The following PDE1A variants were observed in gnomAD, a reference collection of about 807,000 sequenced individuals.
PDE1A encodes the protein phosphodiesterase 1A, also known as dual specificity calcium/calmodulin-dependent 3',5'-cyclic nucleotide phosphodiesterase 1A.
Under a neutral mutation model 61.7 loss-of-function variants are expected in PDE1A, and 35 were observed. That is an observed-to-expected ratio of 0.57 (90% CI 0.43 to 0.75). PDE1A has a LOEUF of 0.75. Ranked by LOEUF, PDE1A falls within the 30% of genes least tolerant of loss-of-function variation. The pLI, the probability that PDE1A is intolerant of heterozygous loss-of-function variation, is 0.00. For synonymous variants in PDE1A, 232 were observed against 213.2 expected, an observed-to-expected ratio of 1.09 and a Z score of -0.77; for missense variants, 597 against 630.6, an observed-to-expected ratio of 0.95 and a Z score of 0.57.
intron 1 of PDE1A, among the ~76,000 whole-genome samples, chr2:182,274,517 T>C (rs1006440074): frequency 1.3e-5 from 2 of 152,086 alleles, no homozygotes; most frequent in African/African-American, 4.8e-5. Context: ...AAAAATTGAG[T>C]CATTTCAAGA....
At chr2:182,569,360 T>C in the PDE1A span, among the ~76,000 whole-genome samples, 1 of 152,024 alleles carries the variant, frequency 6.6e-6, no homozygotes, top group African/African-American at 2.4e-5. Flanking sequence ...ATGCTCTGTA[T>C]AAATTCTCTA....
chr2:182,290,685 C>G (rs1458825399), intron 1 of PDE1A, among the ~76,000 whole-genome samples: 1 of 151,896 alleles, frequency 6.6e-6, no homozygotes, highest in Non-Finnish European at 1.5e-5. Flanking sequence ...TTTTTAGAGC[C>G]TTTTACTGTT....
the PDE1A span, among the ~76,000 whole-genome samples, chr2:182,596,466 G>A: frequency 6.6e-6 from 1 of 152,206 alleles, no homozygotes; most frequent in Non-Finnish European, 1.5e-5. Flanking sequence ...AAGGGGAGAA[G>A]GAAAGCCAGT....
At chr2:182,598,525 C>T in the PDE1A span, among the ~76,000 whole-genome samples, 25,335 of 150,776 alleles carry the variant, frequency 0.17, 2,362 homozygotes, top group Middle Eastern at 0.24. Flanking sequence ...TGAGCTGCAA[C>T]GCACTCCAGC....
chr2:182,470,982 G>A (rs1329165378), intron 2 of PDE1A, among the ~76,000 whole-genome samples: 2 of 151,714 alleles, frequency 1.3e-5, no homozygotes, highest in East Asian at 3.9e-4. Context: ...CTGCATGTAG[G>A]TGGAATAACA....
chr2:182,642,353 C>T, the PDE1A span, among the ~76,000 whole-genome samples: 1 of 152,188 alleles, frequency 6.6e-6, no homozygotes, highest in Non-Finnish European at 1.5e-5. Flanking sequence ...GTTCTCTTTC[C>T]TCCTTGACTT....
chr2:182,285,542 G>GA (rs1318237618), intron 1 of PDE1A, among the ~76,000 whole-genome samples: 1 of 152,030 alleles, frequency 6.6e-6, no homozygotes, highest in Non-Finnish European at 1.5e-5. Flanking sequence ...GGGAAGTTGA[G>GA]AAAAAACTGA....
intron 2 of PDE1A, among the ~76,000 whole-genome samples, chr2:182,509,409 G>A (rs56022400): frequency 0.054 from 8,190 of 152,256 alleles, 261 homozygotes; most frequent in Middle Eastern, 0.099. Context: ...TAGACAAACA[G>A]ATGGCAGGAC....
downstream of PDE1A, among the ~76,000 whole-genome samples, chr2:182,143,438 T>C (rs925153051): frequency 1.3e-5 from 2 of 152,288 alleles, no homozygotes; most frequent in Middle Eastern, 3.4e-3. Context: ...TGTGTGGCAA[T>C]TCACATTGCA....
the PDE1A span, among the ~76,000 whole-genome samples, chr2:182,642,506 G>A: frequency 6.6e-6 from 1 of 152,246 alleles, no homozygotes; most frequent in South Asian, 2.1e-4. Flanking sequence ...CATCCCCATA[G>A]CAATCACTGA....
At chr2:182,671,211 G>C in the PDE1A span, among the ~76,000 whole-genome samples, 1 of 150,826 alleles carries the variant, frequency 6.6e-6, no homozygotes, top group African/African-American at 2.4e-5. Flanking sequence ...TCGCTCTGTC[G>C]CCCAGGCTGG....
At chr2:182,498,469 T>C (rs1441506732) in intron 2 of PDE1A, among the ~76,000 whole-genome samples, 7 of 149,406 alleles carry the variant, frequency 4.7e-5, no homozygotes, top group Non-Finnish European at 1.0e-4. Flanking sequence ...GAGAAAAAAA[T>C]ATAAGAAAAT....
downstream of PDE1A, among the ~76,000 whole-genome samples, chr2:182,146,444 G>T (rs914422065): frequency 6.6e-6 from 1 of 152,150 alleles, no homozygotes; most frequent in East Asian, 1.9e-4. Context: ...TGTGGAAAAA[G>T]AAATGAGGAT....
chr2:182,644,602 A>G, the PDE1A span, among the ~76,000 whole-genome samples: 1 of 152,122 alleles, frequency 6.6e-6, no homozygotes, highest in Non-Finnish European at 1.5e-5. Context: ...TCTGACACCA[A>G]TTTTGCCAAA....
chr2:182,485,733 G>A (rs1247456642), intron 2 of PDE1A, among the ~76,000 whole-genome samples: 1 of 151,766 alleles, frequency 6.6e-6, no homozygotes, highest in Non-Finnish European at 1.5e-5. Context: ...TAGAATAAAG[G>A]ACAGAAAAGC....
At chr2:182,199,207 G>GT (rs1417365449) in intron 10 of PDE1A, among the ~76,000 whole-genome samples, 1 of 151,764 alleles carries the variant, frequency 6.6e-6, no homozygotes, top group Non-Finnish European at 1.5e-5. Context: ...TTCATTTATA[G>GT]TTTTTTCCTC....
intron 1 of PDE1A, among the ~76,000 whole-genome samples, chr2:182,380,209 C>A (rs1272484586): frequency 6.8e-6 from 1 of 147,718 alleles, no homozygotes; most frequent in African/African-American, 2.5e-5. Flanking sequence ...CTCCTGGGTT[C>A]ACACCATTCT....
the PDE1A span, among the ~76,000 whole-genome samples, chr2:182,646,129 T>C: frequency 6.6e-6 from 1 of 151,856 alleles, no homozygotes; most frequent in Non-Finnish European, 1.5e-5. Flanking sequence ...GATAAGAATA[T>C]AGGTTGGATT....
chr2:182,246,316 G>C (rs1326273681), intron 2 of PDE1A, among the ~76,000 whole-genome samples: 1 of 152,010 alleles, frequency 6.6e-6, no homozygotes, highest in African/African-American at 2.4e-5. Flanking sequence ...TAGGTAGAGA[G>C]GGCATCCCTG....
Sources: gnomAD v4.1 joint callset for allele counts (sites outside exome capture counted in the v4.1 genomes callset) on GRCh38, gnomAD v4.1.1 for gene constraint, MANE v1.5 for transcripts, NCBI Gene and HGNC (gene_info 2026-07-23, HGNC 2026-07-21) for gene names.